The following MAP4 variants were observed in gnomAD, a reference collection of about 807,000 sequenced individuals.
MAP4 encodes microtubule-associated protein 4.
A neutral mutation model predicts 170.2 loss-of-function variants in MAP4; 76 were observed. The observed-to-expected ratio is 0.45, with a 90% confidence interval of 0.37 to 0.54. The LOEUF (loss-of-function observed/expected upper bound fraction) is 0.54. MAP4 is among the 20% of genes least tolerant of loss of function. The probability of loss-of-function intolerance (pLI) is 0.00; values close to 1 mark genes in which losing one functional copy is unlikely to be tolerated. For synonymous variants in MAP4, 909 were observed against 994.5 expected (o/e 0.91, Z 1.62); for missense variants, 2,506 against 2,748.0 (o/e 0.91, Z 1.97).
At chr3:47,963,027 G>C (rs904167118) in intron 3 of MAP4, among the ~76,000 whole-genome samples, 1 of 152,166 alleles carries the variant, frequency 6.6e-6, no homozygotes, top group African/African-American at 2.4e-5. Flanking sequence ...TTTGCAGTGA[G>C]AGTCCTAAGT....
chr3:47,855,499 G>C lies in MAP4; in HGVS notation c.6584-139C>G, dbSNP rs2054008782. ...GTGGCAAATGAAGAACAGTGAACAC[G>C]TTTGTCTAAAGAGGACTTCTCATAT... On this transcript the variant is annotated intron_variant, in intron 18 of 20. Coordinates refer to ENST00000683076, the MANE Select transcript of MAP4 (RefSeq NM_001385682.1). The surrounding 1 kb of genome is among the most constrained non-coding windows in gnomAD (Gnocchi z 5.1). The C allele has an allele frequency of 4.6e-6, 3 of 653,828 alleles. No individual in the cohort carries two copies. Among genetic ancestry groups the C allele is most frequent in the Non-Finnish European group, 8.4e-6 (3 of 355,154 alleles). The allele number at this position is 653,828 out of a possible 1,614,324, so 40.5% of individuals were successfully genotyped here. A position where few individuals can be genotyped will look rare whatever the true frequency, so the allele number is the denominator to read the frequency against.
rs753780507 is a variant in MAP4 at position 47,855,551 on chromosome 3, G to A, written c.6584-191C>T. ...ACAGTGAGGCTGAGACAATCTCTCCGTCCAGCCAGTGGGAATACCTCCAAG... is the reference window on the plus strand; with the variant it reads ...ACAGTGAGGCTGAGACAATCTCTCCATCCAGCCAGTGGGAATACCTCCAAG... On this transcript the variant is annotated intron_variant, in intron 18 of 20. Coordinates refer to ENST00000683076, the MANE Select transcript of MAP4 (RefSeq NM_001385682.1). This position sits in a 1 kb window ranked among gnomAD's most constrained non-coding sequence, Gnocchi z 5.1. 3.9e-5 allele frequency among the ~76,000 whole-genome samples: 6 copies of A among 152,280 alleles called. No homozygotes were observed. In the South Asian group the frequency reaches 6.2e-4, roughly 16 times the overall value.
intron 1 of MAP4, among the ~76,000 whole-genome samples, chr3:48,052,333 G>A (rs923854215): frequency 1.3e-5 from 2 of 152,190 alleles, no homozygotes; most frequent in Non-Finnish European, 2.9e-5. Context: ...CTATTCTCGT[G>A]CCTCAGCCTC....
At chr3:48,050,395 C>T (rs1206049624) in intron 1 of MAP4, among the ~76,000 whole-genome samples, 1 of 151,688 alleles carries the variant, frequency 6.6e-6, no homozygotes, top group Non-Finnish European at 1.5e-5. Flanking sequence ...CAACTATCAA[C>T]AACCCAACAG....
At chr3:47,997,502 TAGAAA>T (rs1340315682) in intron 2 of MAP4, among the ~76,000 whole-genome samples, 3 of 151,660 alleles carry the variant, frequency 2.0e-5, no homozygotes, top group Admixed American at 6.6e-5. Context: ...GTAATTACAT[TAGAAA>T]AGAAATGTCT....
chr3:47,988,024 C>A (rs2100089859), intron 2 of MAP4, among the ~76,000 whole-genome samples: 1 of 152,030 alleles, frequency 6.6e-6, no homozygotes, highest in Non-Finnish European at 1.5e-5. Context: ...GAAACCCCGT[C>A]TCTACTAAAA....
chr3:47,926,375 G>C (rs1401654258), intron 4 of MAP4, among the ~76,000 whole-genome samples: 1 of 151,218 alleles, frequency 6.6e-6, no homozygotes, highest in African/African-American at 2.4e-5. Flanking sequence ...GTAGAGACGA[G>C]GTTTCACCAT....
intron 10 of MAP4, among the ~76,000 whole-genome samples, chr3:47,893,897 C>A (rs1469234761): frequency 6.6e-6 from 1 of 152,064 alleles, no homozygotes; most frequent in Non-Finnish European, 1.5e-5. Flanking sequence ...TTACCAAGGT[C>A]CGCATAGGAA....
chr3:47,973,670 A>G (rs2100080169), intron 3 of MAP4: 1 of 985,438 alleles, frequency 1.0e-6, no homozygotes, highest in Non-Finnish European at 1.2e-6. Flanking sequence ...ACGGAAAGTC[A>G]TACCCAGGCT....
rs574407114 is a variant in MAP4, at chr3:48,022,203, T to G, written c.-19-23324A>C. ...TCCAGGTGGATGGCAGCCCTAAATG[T>G]GAACGGTAAACAATAACATGGCGAA... On this transcript the variant is annotated intron_variant, in intron 1 of 18. Coordinates refer to the MAP4 transcript ENST00000360240. Among the ~76,000 whole-genome samples, 5 of 152,204 alleles carry G rather than the reference T, an allele frequency of 3.3e-5. No individual in the cohort carries two copies. In the South Asian group the frequency reaches 8.3e-4, roughly 25 times the overall value.
chr3:47,971,758 C>T (rs2100078904), intron 3 of MAP4, among the ~76,000 whole-genome samples: 1 of 152,156 alleles, frequency 6.6e-6, no homozygotes, highest in Admixed American at 6.5e-5. Context: ...CAGTATTACA[C>T]ATGATTTAGG....
chr3:48,065,425 G>A (rs1359724639), intron 1 of MAP4, among the ~76,000 whole-genome samples: 1 of 152,142 alleles, frequency 6.6e-6, no homozygotes, highest in African/African-American at 2.4e-5. Flanking sequence ...TAAAATCTAT[G>A]AAGGCCTAAT....
chr3:48,051,177 C>T (rs1344301338), intron 1 of MAP4, among the ~76,000 whole-genome samples: 1 of 151,380 alleles, frequency 6.6e-6, no homozygotes, highest in Non-Finnish European at 1.5e-5. Context: ...CTTTGGGAGG[C>T]CAAGGTGGAT....
intron 3 of MAP4, among the ~76,000 whole-genome samples, chr3:47,969,510 G>A (rs1467355189): frequency 6.6e-6 from 1 of 152,056 alleles, no homozygotes; most frequent in Non-Finnish European, 1.5e-5. Context: ...TCTATGGTAA[G>A]GCATAAGCAG....
chr3:48,073,359 C>A (rs1275809155), intron 1 of MAP4, among the ~76,000 whole-genome samples: 1 of 150,626 alleles, frequency 6.6e-6, no homozygotes, highest in African/African-American at 2.4e-5. Context: ...ACCTGTAATC[C>A]CAGCACTTAG....
intron 4 of MAP4, among the ~76,000 whole-genome samples, chr3:47,922,166 C>A (rs1431925428): frequency 6.6e-6 from 1 of 152,068 alleles, no homozygotes; most frequent in Non-Finnish European, 1.5e-5. Context: ...CCAGGCTAGT[C>A]TCAAACTCCT....
intron 19 of MAP4, 59 bp from the exon 20 acceptor site, chr3:47,853,411 G>A: frequency 8.5e-7 from 1 of 1,179,368 alleles, no homozygotes; most frequent in South Asian, 1.4e-5. Flanking sequence ...AGTGGGATGG[G>A]GTGATGGTGG....
chr3:47,950,066 T>C (rs549056450), intron 3 of MAP4, among the ~76,000 whole-genome samples: 28 of 152,322 alleles, frequency 1.8e-4, no homozygotes, highest in African/African-American at 6.7e-4. Flanking sequence ...AGACTACAGC[T>C]TTACCTCCTC....
intron 11 of MAP4, chr3:47,876,903 CT>C (rs766373463): frequency 2.3e-3 from 318 of 140,532 alleles, no homozygotes; most frequent in Admixed American, 2.6e-3. Flanking sequence ...CTCTACAGAA[CT>C]TTTTTTTTTT....
Sources: gnomAD v4.1 joint callset for allele counts (sites outside exome capture counted in the v4.1 genomes callset) on GRCh38, gnomAD v4.1.1 for gene constraint, Gnocchi (gnomAD v3.1) non-coding constraint, MANE v1.5 for transcripts, NCBI Gene and HGNC (gene_info 2026-07-23, HGNC 2026-07-21) for gene names.